ADORA2B: variants seen among roughly 807,000 people sequenced by gnomAD.
The protein encoded by ADORA2B is adenosine receptor A2b.
In ADORA2B, 18 loss-of-function variants were observed where a neutral mutation model predicts 20.8. The ratio of observed to expected loss-of-function variants is 0.87; its 90% CI spans 0.60 to 1.29. The LOEUF (loss-of-function observed/expected upper bound fraction) is 1.29, where lower values mean the gene tolerates loss of function less well. ADORA2B is among the 50% of genes most tolerant of loss of function. The pLI, the probability that ADORA2B is intolerant of heterozygous loss-of-function variation, is 0.00. For synonymous variants in ADORA2B, 179 were observed against 178.3 expected (o/e 1.00, Z -0.03); for missense variants, 441 against 422.7 (o/e 1.04, Z -0.38).
At chr17:15,893,344 C>G in the ADORA2B span, among the ~76,000 whole-genome samples, 1 of 152,194 alleles carries the variant, frequency 6.6e-6, no homozygotes, top group African/African-American at 2.4e-5. Context: ...TACCATTTCC[C>G]TGGGGAAAAA....
chr17:15,901,937 A>T, the ADORA2B span, among the ~76,000 whole-genome samples: 1 of 152,112 alleles, frequency 6.6e-6, no homozygotes, highest in Admixed American at 6.6e-5. Context: ...TATTGAGTCC[A>T]TTCATGTTGT....
At chr17:15,904,730 T>A in the ADORA2B span, among the ~76,000 whole-genome samples, 4 of 152,188 alleles carry the variant, frequency 2.6e-5, no homozygotes, top group Non-Finnish European at 5.9e-5. Flanking sequence ...TAATTTATTT[T>A]TGTGTAAACA....
the ADORA2B span, among the ~76,000 whole-genome samples, chr17:15,932,878 C>T: frequency 6.8e-6 from 1 of 147,126 alleles, no homozygotes; most frequent in Non-Finnish European, 1.5e-5. Flanking sequence ...AATCAAGAAA[C>T]GTTCATTTAA....
At chr17:15,888,340 G>A in the ADORA2B span, among the ~76,000 whole-genome samples, 5 of 128,990 alleles carry the variant, frequency 3.9e-5, 1 homozygote, top group South Asian at 9.3e-4. Context: ...CTGTGGGGTC[G>A]CCATCTCTCT....
At chr17:15,854,390 T>C in the ADORA2B span, among the ~76,000 whole-genome samples, 1 of 152,238 alleles carries the variant, frequency 6.6e-6, no homozygotes, top group African/African-American at 2.4e-5. Flanking sequence ...TCTTAGTAGA[T>C]GATAGGAAAA....
upstream of ADORA2B, among the ~76,000 whole-genome samples, chr17:15,940,790 G>A (rs1256138108): frequency 1.3e-5 from 2 of 152,354 alleles, no homozygotes; most frequent in East Asian, 1.9e-4. Context: ...CATGGTTGGT[G>A]TAGGGTAGCA....
At chr17:15,924,411 T>C in the ADORA2B span, among the ~76,000 whole-genome samples, 2 of 152,232 alleles carry the variant, frequency 1.3e-5, no homozygotes, top group Non-Finnish European at 2.9e-5. Context: ...TATGAATTTA[T>C]ATACATTTTA....
chr17:15,951,016 A>G (rs1435526539), intron 1 of ADORA2B, among the ~76,000 whole-genome samples: 2 of 152,220 alleles, frequency 1.3e-5, no homozygotes, highest in African/African-American at 4.8e-5. Context: ...AGGCTAGGAA[A>G]GCACATTGTG....
At chr17:15,928,106 C>G in the ADORA2B span, among the ~76,000 whole-genome samples, 1 of 152,106 alleles carries the variant, frequency 6.6e-6, no homozygotes, top group Admixed American at 6.5e-5. Flanking sequence ...CCACGCCCGG[C>G]CGAGGCCATG....
At chr17:15,962,079 G>A (rs1970048062) in intron 1 of ADORA2B, among the ~76,000 whole-genome samples, 1 of 152,166 alleles carries the variant, frequency 6.6e-6, no homozygotes, top group African/African-American at 2.4e-5. Flanking sequence ...AAAGTGGGTG[G>A]ATCACTTGAG....
In ADORA2B at chr17:15,965,041, C is replaced by CA. The variant is rs1555589471; in HGVS notation, c.336-9638_336-9637insA. On this transcript the variant is annotated intron_variant, in intron 1 of 1. Transcript: ENST00000304222. Reference sequence around the variant, plus strand: ...TGCCACTGCGCTCCAGCCTGGGCGACGGAGCTAGACTCTGTCTCAAAAACA... The same window carrying CA: ...TGCCACTGCGCTCCAGCCTGGGCGACAGGAGCTAGACTCTGTCTCAAAAACA... Among the ~76,000 whole-genome samples the CA allele has an allele frequency of 6.9e-3, 1,041 of 150,916 alleles. 13 individuals are homozygous for CA. Among genetic ancestry groups the CA allele is most frequent in the African/African-American group, 0.024 (989 of 40,818 alleles).
chr17:15,899,009 C>T, the ADORA2B span, among the ~76,000 whole-genome samples: 1 of 152,046 alleles, frequency 6.6e-6, no homozygotes, highest in South Asian at 2.1e-4. Flanking sequence ...GTGGGCAGAT[C>T]ACTTGAGTCC....
At chr17:15,903,966 C>T in the ADORA2B span, among the ~76,000 whole-genome samples, 16,732 of 151,958 alleles carry the variant, frequency 0.11, 1,181 homozygotes, top group South Asian at 0.23. Flanking sequence ...AACTTTTATT[C>T]ATTTTTTGAT....
At chr17:15,863,323 C>T in the ADORA2B span, among the ~76,000 whole-genome samples, 4 of 151,946 alleles carry the variant, frequency 2.6e-5, no homozygotes, top group South Asian at 8.3e-4. Context: ...TTTTAATATG[C>T]CCTTCCAATA....
Position 15,975,185 on chromosome 17 carries a change from C to T in ADORA2B, c.842C>T (p.Ala281Val), listed in dbSNP as rs771770322. 2 of 1,614,142 alleles carry T rather than the reference C, an allele frequency of 1.2e-6. No individual in the cohort carries two copies. The highest frequency in any genetic ancestry group is 1.1e-5 in the South Asian group (1 of 91,088). ...AMNMAILLSH[A>V]NSVVNPIVYA... is the part of the protein sequence containing the mutation. ...AATATGGCCATTCTTCTGTCACATGCCAATTCAGTTGTCAATCCCATTGTC... is the reference window on the plus strand; with the variant it reads ...AATATGGCCATTCTTCTGTCACATGTCAATTCAGTTGTCAATCCCATTGTC... Residue 281 changes from alanine (A) to valine (V), a missense_variant, in exon 2 of 2, where the codon GCC becomes GTC. Physicochemically the swap from Ala to Val is moderately conservative, Grantham distance 64. Transcript: ENST00000304222.
chr17:15,877,420 G>GCTGTTC, the ADORA2B span, among the ~76,000 whole-genome samples: 2 of 152,146 alleles, frequency 1.3e-5, no homozygotes, highest in Non-Finnish European at 2.9e-5. Context: ...ATAGTAGAGA[G>GCTGTTC]CTGTTCCTGT....
At chr17:15,948,536 G>A (rs1458063888) in intron 1 of ADORA2B, among the ~76,000 whole-genome samples, 1 of 152,164 alleles carries the variant, frequency 6.6e-6, no homozygotes, top group Non-Finnish European at 1.5e-5. Flanking sequence ...CCCTCAGGCA[G>A]GAGCACTTCC....
chr17:15,874,939 A>G, the ADORA2B span, among the ~76,000 whole-genome samples: 12 of 152,266 alleles, frequency 7.9e-5, no homozygotes, highest in African/African-American at 2.9e-4. Context: ...CTGGATACAT[A>G]TTTGATCTTG....
the ADORA2B span, among the ~76,000 whole-genome samples, chr17:15,858,077 A>G: frequency 1.9e-3 from 280 of 150,114 alleles, 2 homozygotes; most frequent in African/African-American, 6.5e-3. Flanking sequence ...TGAGAGTGCA[A>G]ATATCTCTTT....
Sources: gnomAD v4.1 joint callset for allele counts (sites outside exome capture counted in the v4.1 genomes callset) on GRCh38, gnomAD v4.1.1 for gene constraint, MANE v1.5 for transcripts, NCBI Gene and HGNC (gene_info 2026-07-23, HGNC 2026-07-21) for gene names.